The following CHSY1 variants were observed in gnomAD, a reference collection of about 807,000 sequenced individuals.
CHSY1 encodes N-acetylgalactosaminyl-proteoglycan 3-beta-glucuronosyltransferase 1.
CHSY1 carries 13 observed loss-of-function variants against 59.8 expected under a neutral mutation model. The ratio of observed to expected loss-of-function variants is 0.22; its 90% confidence interval spans 0.14 to 0.35. The LOEUF (loss-of-function observed/expected upper bound fraction) is 0.35, where lower values mean the gene tolerates loss of function less well. Among genes scored for constraint, CHSY1 ranks in the 10% least tolerant of loss-of-function variants. CHSY1 has a pLI of 1.00. For synonymous variants in CHSY1, 459 were observed against 401.2 expected (o/e 1.14, Z -1.72); for missense variants, 947 against 1,030.6 (o/e 0.92, Z 1.11).
At chr15:101,214,471 A>G (rs1262644189) in intron 2 of CHSY1, among the ~76,000 whole-genome samples, 2 of 152,236 alleles carry the variant, frequency 1.3e-5, no homozygotes, top group East Asian at 1.9e-4. Flanking sequence ...TCTTAAAATA[A>G]TAACTGAATT....
chr15:101,186,605 AT>A (rs1438170366), intron 2 of CHSY1: 1 of 152,006 alleles, frequency 6.6e-6, no homozygotes, highest in African/African-American at 2.4e-5. Flanking sequence ...GGGATTCAAG[AT>A]GAGCTTGGGC....
At chr15:101,187,888 G>C (rs1365631203) in intron 2 of CHSY1, 1 of 284,034 alleles carries the variant, frequency 3.5e-6, no homozygotes, top group Non-Finnish European at 5.3e-6. Context: ...ATTCTCCAGT[G>C]AATCTGAGAG....
intron 2 of CHSY1, among the ~76,000 whole-genome samples, chr15:101,181,908 C>T (rs1043033699): frequency 6.6e-6 from 1 of 152,192 alleles, no homozygotes; most frequent in Non-Finnish European, 1.5e-5. Flanking sequence ...CAATCAATAA[C>T]ACATCTTTTG....
In CHSY1 at chr15:101,178,146, TA is replaced by T; in HGVS notation, c.1650del (p.Phe550LeufsTer37). ...LSGRFDMFVR[F>X]MGNFEKTCLI... ...AGACACGTCTTCTCAAAGTTTCCCA[TA>T]AATCTCACAAACATGTCGAAACGCC... On this transcript the variant is annotated frameshift_variant, in exon 3 of 3. Transcript: ENST00000254190. LOFTEE classifies it high-confidence loss of function. 6.2e-7 allele frequency: 1 copy of T among 1,614,222 alleles called. No homozygotes were observed. The highest frequency in any genetic ancestry group is 8.5e-7 in the Non-Finnish European group (1 of 1,180,022).
chr15:101,239,633 A>G (rs1307221199), intron 1 of CHSY1, among the ~76,000 whole-genome samples: 1 of 152,270 alleles, frequency 6.6e-6, no homozygotes, highest in Non-Finnish European at 1.5e-5. Flanking sequence ...AAGGTAGTGA[A>G]AGAACAGGAA....
At chr15:101,200,351 C>T (rs887938363) in intron 2 of CHSY1, among the ~76,000 whole-genome samples, 1 of 152,156 alleles carries the variant, frequency 6.6e-6, no homozygotes, top group Non-Finnish European at 1.5e-5. Context: ...AAACACAACG[C>T]GAAGAAGACA....
At chr15:101,239,094 T>C (rs1446461666) in intron 1 of CHSY1, among the ~76,000 whole-genome samples, 3 of 152,206 alleles carry the variant, frequency 2.0e-5, no homozygotes, top group Non-Finnish European at 2.9e-5. Flanking sequence ...CCCCTGATAA[T>C]GCTCTCTTTA....
chr15:101,217,912 T>A (rs1378365910), intron 2 of CHSY1, among the ~76,000 whole-genome samples: 6 of 152,206 alleles, frequency 3.9e-5, no homozygotes, highest in African/African-American at 1.4e-4. Flanking sequence ...AGGGTAACTC[T>A]GCAGTGAAGA....
At chr15:101,225,834 G>A (rs190023621) in intron 2 of CHSY1, among the ~76,000 whole-genome samples, 59 of 152,300 alleles carry the variant, frequency 3.9e-4, no homozygotes, top group African/African-American at 1.4e-3. Flanking sequence ...GAATTGAGGT[G>A]ATAACAGCTG....
intron 1 of CHSY1, among the ~76,000 whole-genome samples, chr15:101,238,019 G>A (rs1193742487): frequency 6.6e-6 from 1 of 152,192 alleles, no homozygotes; most frequent in Non-Finnish European, 1.5e-5. Context: ...AATCTCTGCG[G>A]AAGAGGTACA....
rs182849180 is a variant in CHSY1 at position 101,199,363 on chromosome 15, C to T, written c.817-20383G>A. On this transcript the variant is annotated intron_variant, in intron 2 of 2. Transcript: ENST00000254190. ...CTAAAAATACAAAAAATTAGCCGGG[C>T]GTGGTAGCACGCGCCTGTAGTTCCA... Among the ~76,000 whole-genome samples the T allele has an allele frequency of 2.7e-3, 418 of 152,220 alleles. 5 individuals carry two copies. Among genetic ancestry groups the T allele is most frequent in the Admixed American group, 0.02 (305 of 15,284 alleles).
chr15:101,238,189 T>A (rs1411111657), intron 1 of CHSY1, among the ~76,000 whole-genome samples: 1 of 152,252 alleles, frequency 6.6e-6, no homozygotes. Flanking sequence ...ACTTACCATC[T>A]TAACCATTTC....
intron 2 of CHSY1, among the ~76,000 whole-genome samples, chr15:101,203,532 G>A (rs1383111905): frequency 6.6e-6 from 1 of 152,130 alleles, no homozygotes. Context: ...ATTAACTCAA[G>A]TAAAAATTAG....
chr15:101,237,977 T>G (rs935684016), intron 1 of CHSY1, among the ~76,000 whole-genome samples: 1 of 152,214 alleles, frequency 6.6e-6, no homozygotes, highest in African/African-American at 2.4e-5. Flanking sequence ...GGGAAAGTCT[T>G]AGGAGAGAAA....
At chr15:101,239,528 G>C (rs943815426) in intron 1 of CHSY1, among the ~76,000 whole-genome samples, 1 of 152,192 alleles carries the variant, frequency 6.6e-6, no homozygotes, top group East Asian at 1.9e-4. Context: ...TTGTTGTGAG[G>C]GTTAAATGAG....
intron 2 of CHSY1, among the ~76,000 whole-genome samples, chr15:101,219,188 A>C (rs528734873): frequency 1.1e-3 from 161 of 152,312 alleles, no homozygotes; most frequent in African/African-American, 2.9e-3. Context: ...ATCCACCCCC[A>C]AAAAAATCTA....
rs371474425 is a variant in CHSY1, at chr15:101,248,813, G to C, written c.320+2324C>G. Reference sequence around the variant, plus strand: ...CTTATTTTCTTTTTTTTGAGACGGAGTCTTGCTCTGCCCCCCAGGATGGAG... The same window carrying C: ...CTTATTTTCTTTTTTTTGAGACGGACTCTTGCTCTGCCCCCCAGGATGGAG... On this transcript the variant is annotated intron_variant, in intron 1 of 2. Transcript: ENST00000254190. Among the ~76,000 whole-genome samples, 36 of 152,280 alleles carry C rather than the reference G, an allele frequency of 2.4e-4. No individual in the cohort carries two copies. The South Asian group carries it at 4.3e-3, about 18-fold the overall frequency.
intron 2 of CHSY1, among the ~76,000 whole-genome samples, chr15:101,218,324 A>G (rs909312979): frequency 6.6e-6 from 1 of 152,230 alleles, no homozygotes; most frequent in African/African-American, 2.4e-5. Flanking sequence ...AGCTGGGCAC[A>G]GTGGCTCATG....
intron 2 of CHSY1, among the ~76,000 whole-genome samples, chr15:101,205,677 C>T (rs903306908): frequency 6.6e-5 from 10 of 152,140 alleles, no homozygotes; most frequent in African/African-American, 2.4e-4. Flanking sequence ...GTTGGCCGGG[C>T]GTGGTGGCTC....
Sources: gnomAD v4.1 joint callset for allele counts (sites outside exome capture counted in the v4.1 genomes callset) on GRCh38, gnomAD v4.1.1 for gene constraint, MANE v1.5 for transcripts, NCBI Gene and HGNC (gene_info 2026-07-23, HGNC 2026-07-21) for gene names.